The following LRFN5 variants were observed in gnomAD, a reference collection of about 807,000 sequenced individuals.
LRFN5 encodes the protein leucine rich repeat and fibronectin type III domain containing 5.
LRFN5 carries 24 observed loss-of-function variants against 45.6 expected under a neutral mutation model. The ratio of observed to expected loss-of-function variants is 0.53; its 90% confidence interval spans 0.38 to 0.74. The LOEUF is 0.74. Ranked by LOEUF, LRFN5 falls within the 30% of genes least tolerant of loss-of-function variation. The probability of loss-of-function intolerance (pLI) is 0.00; values close to 1 mark genes in which losing one functional copy is unlikely to be tolerated. For synonymous variants in LRFN5, 340 were observed against 313.8 expected (o/e 1.08, Z -0.88); for missense variants, 776 against 861.5 (o/e 0.90, Z 1.24).
intron 1 of LRFN5, among the ~76,000 whole-genome samples, chr14:41,636,716 G>A (rs1879325377): frequency 1.3e-5 from 2 of 152,242 alleles, no homozygotes; most frequent in South Asian, 2.1e-4. Flanking sequence ...ATTCCAATGA[G>A]ACAGAACACA....
At chr14:41,826,498 A>G (rs900382115) in intron 2 of LRFN5, among the ~76,000 whole-genome samples, 2 of 152,178 alleles carry the variant, frequency 1.3e-5, no homozygotes, top group Non-Finnish European at 2.9e-5. Flanking sequence ...GTCATTTACC[A>G]TAACTATCTC....
intron 2 of LRFN5, among the ~76,000 whole-genome samples, chr14:41,812,110 A>T (rs1887757288): frequency 6.6e-6 from 1 of 152,094 alleles, no homozygotes; most frequent in African/African-American, 2.4e-5. Context: ...TAACCTTATT[A>T]TAAACTAATT....
intron 1 of LRFN5, among the ~76,000 whole-genome samples, chr14:41,757,272 T>A (rs1410456999): frequency 6.6e-6 from 1 of 152,156 alleles, no homozygotes; most frequent in African/African-American, 2.4e-5. Flanking sequence ...GAACCACTAC[T>A]CTCTTCAAAG....
chr14:41,612,753 T>A (rs1293775428), intron 1 of LRFN5, among the ~76,000 whole-genome samples: 29 of 152,098 alleles, frequency 1.9e-4, no homozygotes, highest in Admixed American at 5.2e-4. Flanking sequence ...TTAAGAAGTA[T>A]TATGTTCATA....
chr14:41,655,280 AGG>A (rs1880324273), intron 1 of LRFN5, among the ~76,000 whole-genome samples: 1 of 152,046 alleles, frequency 6.6e-6, no homozygotes, highest in Non-Finnish European at 1.5e-5. Flanking sequence ...AGCTGTTGGA[AGG>A]GTTATTATTT....
chr14:41,787,521 TC>T (rs1886768618), intron 2 of LRFN5, among the ~76,000 whole-genome samples: 1 of 151,624 alleles, frequency 6.6e-6, no homozygotes, highest in African/African-American at 2.4e-5. Context: ...CTTTTTTTTT[TC>T]TAGTGGCTTA....
At chr14:41,671,059 A>C in intron 1 of LRFN5, among the ~76,000 whole-genome samples, 1 of 151,734 alleles carries the variant, frequency 6.6e-6, no homozygotes, top group East Asian at 1.9e-4. Context: ...TTAATATTTA[A>C]TTTTCTTCTA....
At chr14:41,764,834 TTATA>T (rs1035144187) in intron 1 of LRFN5, among the ~76,000 whole-genome samples, 4 of 150,334 alleles carry the variant, frequency 2.7e-5, no homozygotes, top group African/African-American at 5.0e-5. Flanking sequence ...ATATATATGA[TTATA>T]TATGCAGAAT....
chr14:41,797,499 A>G (rs1287370545), intron 2 of LRFN5, among the ~76,000 whole-genome samples: 1 of 151,612 alleles, frequency 6.6e-6, no homozygotes, highest in Non-Finnish European at 1.5e-5. Context: ...AATATTACCT[A>G]ATACCTTATT....
chr14:41,732,744 A>G (rs1019918771), intron 1 of LRFN5, among the ~76,000 whole-genome samples: 3 of 152,026 alleles, frequency 2.0e-5, no homozygotes, highest in African/African-American at 4.8e-5. Flanking sequence ...TCAAGAAAAA[A>G]AATTAACCAA....
intron 1 of LRFN5, among the ~76,000 whole-genome samples, chr14:41,674,989 C>T (rs192058492): frequency 3.3e-5 from 5 of 151,440 alleles, no homozygotes; most frequent in Admixed American, 1.3e-4. Flanking sequence ...AGTCGCTCCC[C>T]ACATCTCAGA....
chr14:41,779,308 A>G (rs958421030), intron 2 of LRFN5, among the ~76,000 whole-genome samples: 1 of 151,804 alleles, frequency 6.6e-6, no homozygotes, highest in Non-Finnish European at 1.5e-5. Flanking sequence ...ACAATTTTAA[A>G]TTAGCTTTGG....
chr14:41,803,518 G>GTT (rs35935187), intron 2 of LRFN5, among the ~76,000 whole-genome samples: 13 of 147,566 alleles, frequency 8.8e-5, no homozygotes, highest in South Asian at 2.2e-4. Flanking sequence ...TGCCAGGATA[G>GTT]TTTTTTTTTT....
At chr14:41,870,361 C>G (rs1202425178) in intron 2 of LRFN5, among the ~76,000 whole-genome samples, 1 of 152,090 alleles carries the variant, frequency 6.6e-6, no homozygotes, top group Non-Finnish European at 1.5e-5. Context: ...TTTCCTGCTG[C>G]TAATAAAGAT....
intron 1 of LRFN5, among the ~76,000 whole-genome samples, chr14:41,712,536 T>C (rs886338266): frequency 2.6e-5 from 4 of 152,222 alleles, no homozygotes; most frequent in Admixed American, 6.5e-5. Flanking sequence ...GGTTTTGTTA[T>C]ATAACTTGGC....
At chr14:41,626,050 A>G (rs888842817) in intron 1 of LRFN5, among the ~76,000 whole-genome samples, 1 of 152,132 alleles carries the variant, frequency 6.6e-6, no homozygotes, top group African/African-American at 2.4e-5. Flanking sequence ...GGCAAAAAGT[A>G]GATGGGAGTA....
intron 2 of LRFN5, among the ~76,000 whole-genome samples, chr14:41,841,848 AT>A (rs1566477247): frequency 6.6e-5 from 10 of 151,876 alleles, no homozygotes. Flanking sequence ...ATTATAAAAA[AT>A]AAATTATATA....
chr14:41,688,442 A>G (rs890448340), intron 1 of LRFN5, among the ~76,000 whole-genome samples: 5 of 151,958 alleles, frequency 3.3e-5, no homozygotes, highest in African/African-American at 9.7e-5. Context: ...AAACATATCC[A>G]CCACAAAAAT....
chr14:41,887,901 G>T lies in LRFN5; in HGVS notation c.1276G>T (p.Ala426Ser), dbSNP rs1471303051. The change falls in exon 3 of 6, where the codon GCT (alanine) becomes TCT (serine). Residue 426 changes from alanine (A) to serine (S), a missense_variant. Transcript: ENST00000298119. This position sits in a 1 kb window ranked among gnomAD's most constrained non-coding sequence, Gnocchi z 4.8. ...LSQDKIVVAEATSSTALLKFN... is the reference protein window; with the variant it reads ...LSQDKIVVAESTSSTALLKFN... ...TCAAGATAAAATTGTGGTGGCAGAA[G>T]CTACATCATCAACGGCACTACTTAA... 6.2e-7 allele frequency: 1 copy of T among 1,614,086 alleles called. No individual in the cohort carries two copies. The highest frequency in any genetic ancestry group is 8.5e-7 in the Non-Finnish European group (1 of 1,179,958).
Sources: gnomAD v4.1 joint callset for allele counts (sites outside exome capture counted in the v4.1 genomes callset) on GRCh38, gnomAD v4.1.1 for gene constraint, Gnocchi (gnomAD v3.1) non-coding constraint, MANE v1.5 for transcripts, NCBI Gene and HGNC (gene_info 2026-07-23, HGNC 2026-07-21) for gene names.